Variants in NOTCH4 observed in about 807,000 individuals in gnomAD.
NOTCH4 encodes the protein neurogenic locus notch homolog protein 4.
NOTCH4 carries 138 observed loss-of-function variants against 189.0 expected under a neutral mutation model. That is an observed-to-expected ratio of 0.73 (90% CI 0.64 to 0.84). The LOEUF (loss-of-function observed/expected upper bound fraction) is 0.84, where lower values mean the gene tolerates loss of function less well. Ranked by LOEUF, NOTCH4 falls within the 40% of genes least tolerant of loss-of-function variation. NOTCH4 has a pLI of 0.00. For missense variants in NOTCH4, 2,286 were observed against 2,605.4 expected (o/e 0.88, Z 2.67); for synonymous variants, 942 against 1,032.8 (o/e 0.91, Z 1.69).
chr6:32,195,652 T>C lies in NOTCH4; in HGVS notation c.5797A>G (p.Arg1933Gly). 1 of 1,612,964 alleles carries C rather than the reference T, an allele frequency of 6.2e-7. No individual in the cohort carries two copies. The highest frequency in any genetic ancestry group is 8.5e-7 in the Non-Finnish European group (1 of 1,179,966). ...CCGCGCCCGGCAGCCACTCCGTATC[T>C]TCCTCGCATTATCGCAGGGTTGGGC... ...PRPNPAIMRG[R>G]YGVAAGRGGR... Residue 1933 changes from arginine to glycine, a missense_variant, in exon 30 of 30, where the codon AGA becomes GGA. Arg to Gly is a moderately radical substitution (Grantham distance 125). Transcript: ENST00000375023. This position sits in a 1 kb window ranked among gnomAD's most constrained non-coding sequence, Gnocchi z 5.4.
At chr6:32,213,344 C>A in intron 14 of NOTCH4, 92 bp from the exon 15 acceptor site, 1 of 782,738 alleles carries the variant, frequency 1.3e-6, no homozygotes, top group Non-Finnish European at 2.1e-6. Context: ...ACACCCCCCA[C>A]CCCCATCAAA....
intron 19 of NOTCH4, 43 bp downstream of exon 19, chr6:32,204,094 C>T: frequency 4.4e-6 from 7 of 1,603,774 alleles, no homozygotes; most frequent in Non-Finnish European, 5.1e-6. Context: ...GTCTGCTTGG[C>T]TGTGCTCCAG....
rs1251592409 is a variant in NOTCH4, at chr6:32,212,538, C to A, written c.2616G>T (p.Gln872His). ...GGTTGCAGAGAGGCCCGGTCCATCCCTGGAGGCACAAGCAGTGGAAGGAGG... is the reference window on the plus strand; with the variant it reads ...GGTTGCAGAGAGGCCCGGTCCATCCATGGAGGCACAAGCAGTGGAAGGAGG... ...TGPSFHCLCL[Q>H]GWTGPLCNLP... is the part of the protein sequence containing the mutation. Residue 872 changes from glutamine to histidine, a missense_variant, in exon 17 of 30, where the codon CAG becomes CAT. Around this residue, in one of 2 missense-constraint regions of NOTCH4, gnomAD observed 1,903 missense variants for 2,261.9 expected, o/e 0.84. Transcript: ENST00000375023. This position sits in a 1 kb window ranked among gnomAD's most constrained non-coding sequence, Gnocchi z 4.4. The A allele has an allele frequency of 1.2e-6, 2 of 1,613,044 alleles. No individual in the cohort carries two copies. The highest frequency in any genetic ancestry group is 2.7e-5 in the African/African-American group (2 of 74,890).
Position 32,202,899 on chromosome 6 carries a change from T to A in NOTCH4, c.3232-300A>T, listed in dbSNP as rs139803657. ...GACTAAACAGTTAATAGAATGCTAT[T>A]ATATTATTATTATTATTATTTTTGA... On this transcript the variant is annotated intron_variant, in intron 20 of 29. Coordinates refer to ENST00000375023, the MANE Select transcript of NOTCH4 (RefSeq NM_004557.4). This position sits in a 1 kb window ranked among gnomAD's most constrained non-coding sequence, Gnocchi z 5.7. 4.7e-3 allele frequency: 1,321 copies of A among 282,886 alleles called. 15 individuals carry two copies. The highest frequency in any genetic ancestry group is 0.024 in the African/African-American group (1,116 of 46,108). 17.5% of individuals were successfully genotyped at this position (282,886 alleles called of 1,614,324 possible). A position where few individuals can be genotyped will look rare whatever the true frequency, so the allele number is the denominator to read the frequency against.
intron 1 of NOTCH4, 92 bp downstream of exon 1, chr6:32,223,764 A>C: frequency 1.5e-6 from 2 of 1,296,660 alleles, no homozygotes; most frequent in Non-Finnish European, 2.1e-6. Context: ...AGCATCCCTC[A>C]CACGGCCTGG....
chr6:32,220,062 C>CCT, intron 7 of NOTCH4, 67 bp downstream of exon 7: 1 of 1,538,090 alleles, frequency 6.5e-7, no homozygotes, highest in East Asian at 2.2e-5. Context: ...GCAATCTGCC[C>CCT]TTTTCTGTCT....
intron 28 of NOTCH4, among the ~76,000 whole-genome samples, 164 bp downstream of exon 28, chr6:32,196,761 G>C (rs115360806): frequency 6.6e-6 from 1 of 152,134 alleles, no homozygotes; most frequent in African/African-American, 2.4e-5. Context: ...TGGGAGTTGG[G>C]GGGGGAAACT....
chr6:32,220,909 A>ACATCT (rs1789725125), intron 4 of NOTCH4, 31 bp from the exon 5 acceptor site: 7 of 1,608,176 alleles, frequency 4.4e-6, no homozygotes, highest in Non-Finnish European at 5.9e-6. Flanking sequence ...CTGTGGGAGG[A>ACATCT]GGCTCCAACG....
intron 28 of NOTCH4, among the ~76,000 whole-genome samples, chr6:32,196,670 T>C (rs1787953098): frequency 6.6e-6 from 1 of 151,756 alleles, no homozygotes; most frequent in Non-Finnish European, 1.5e-5. Context: ...CCCCACGAGA[T>C]TCCCCCCCCT....
At position 32,204,132 on chromosome 6, in the gene NOTCH4, C is replaced by T; in HGVS notation, c.3118+5G>A. 1.9e-6 allele frequency: 3 copies of T among 1,612,268 alleles called. No homozygotes were observed. Among genetic ancestry groups the T allele is most frequent in the Non-Finnish European group, 2.5e-6 (3 of 1,179,828 alleles). Reference sequence around the variant, plus strand: ...ACACTTGTGCCCCTTGTCTTGGGGCCTCACCTGTGTGTCCAGGCAGACACT... The same window carrying T: ...ACACTTGTGCCCCTTGTCTTGGGGCTTCACCTGTGTGTCCAGGCAGACACT... On this transcript the variant is annotated splice_donor_5th_base_variant and intron_variant, in intron 19 of 29. Coordinates refer to ENST00000375023, the MANE Select transcript of NOTCH4 (RefSeq NM_004557.4).
At chr6:32,213,616 G>T in intron 14 of NOTCH4, 72 bp downstream of exon 14, 6 of 1,515,732 alleles carry the variant, frequency 4.0e-6, no homozygotes, top group Non-Finnish European at 5.4e-6. Flanking sequence ...TAAAAAATAT[G>T]ACACAAGCAT....
chr6:32,210,768 C>A lies in NOTCH4; in HGVS notation c.2849G>T (p.Ser950Ile). The stretch of plus-strand genomic sequence containing the variant: ...CCCTCTCACCTGGCAGAGATACCCA[C>A]TGGGCTGGGCCATGCAGGTGGCCCC... ...QNGATCMAQP[S>I]GYLCQCAPGY... is the part of the protein sequence containing the mutation. Residue 950 changes from serine to isoleucine, a missense_variant, in exon 18 of 30, where the codon AGT (serine) becomes ATT (isoleucine). Around this residue, in one of 2 missense-constraint regions of NOTCH4, gnomAD observed 1,903 missense variants for 2,261.9 expected, o/e 0.84. Coordinates refer to ENST00000375023, the MANE Select transcript of NOTCH4 (RefSeq NM_004557.4). The surrounding 1 kb of genome is among the most constrained non-coding windows in gnomAD (Gnocchi z 4.8). 1 of 1,612,718 alleles carries A rather than the reference C, an allele frequency of 6.2e-7. No individual in the cohort carries two copies. Among genetic ancestry groups the A allele is most frequent in the South Asian group, 1.1e-5 (1 of 91,068 alleles).
In NOTCH4 at chr6:32,195,936, C is replaced by T; in HGVS notation, c.5513G>A (p.Gly1838Glu). The change falls in exon 30 of 30, where the codon GGG becomes GAG. Residue 1838 changes from glycine to glutamate, a missense_variant. This residue lies in a region of NOTCH4 where 383 missense variants were observed against 343.5 expected (regional missense o/e 1.11). Coordinates refer to ENST00000375023, the MANE Select transcript of NOTCH4 (RefSeq NM_004557.4). The surrounding 1 kb of genome is among the most constrained non-coding windows in gnomAD (Gnocchi z 5.4). ...CACCGTCCGTGCGCGCGGGAAGGGC[C>T]CAGCCTCGCGGCCCGGCGTGGCTTT... The part of the protein sequence containing the change: ...RHKATPGREA[G>E]PFPRARTVSV... 6.3e-7 allele frequency: 1 copy of T among 1,589,936 alleles called. No homozygotes were observed. The highest frequency in any genetic ancestry group is 8.5e-7 in the Non-Finnish European group (1 of 1,175,370).
chr6:32,208,239 C>T (rs114119176), intron 18 of NOTCH4, among the ~76,000 whole-genome samples: 2,075 of 151,910 alleles, frequency 0.014, 28 homozygotes, highest in Middle Eastern at 0.075. Context: ...ATAATCAGAA[C>T]GTATAAGGAA....
intron 7 of NOTCH4, 29 bp downstream of exon 7, chr6:32,220,100 G>A (rs1789655528): frequency 6.2e-7 from 1 of 1,609,506 alleles, no homozygotes; most frequent in East Asian, 2.2e-5. Context: ...CTGAGGCTCA[G>A]AGAGGCTCTG....
In NOTCH4 at chr6:32,202,252, G is replaced by A. The variant is rs2127467018; in HGVS notation, c.3579C>T (p.Gly1193=). 1.3e-6 allele frequency: 2 copies of A among 1,574,624 alleles called. No homozygotes were observed. Among genetic ancestry groups the A allele is most frequent in the South Asian group, 1.1e-5 (1 of 87,992 alleles). Residue 1193 remains glycine, a synonymous_variant, in exon 21 of 30, where the codon GGC becomes GGT. Coordinates refer to ENST00000375023, the MANE Select transcript of NOTCH4 (RefSeq NM_004557.4). The surrounding 1 kb of genome is among the most constrained non-coding windows in gnomAD (Gnocchi z 5.7). ...CCCCTCCATCCCAGTTTCCTCCCGGGCCACTGCAGCCAGCATCGCAGGCCC... is the reference window on the plus strand; with the variant it reads ...CCCCTCCATCCCAGTTTCCTCCCGGACCACTGCAGCCAGCATCGCAGGCCC... The part of the protein sequence containing the change: ...GDGACDAGCS[G]PGGNWDGGDC...
intron 27 of NOTCH4, 83 bp downstream of exon 27, chr6:32,197,216 T>G: frequency 6.6e-7 from 1 of 1,516,364 alleles, no homozygotes; most frequent in Non-Finnish European, 8.8e-7. Context: ...AATTTCCTCC[T>G]TGTCAAACTC....
Position 32,220,412 on chromosome 6 carries a change from T to C in NOTCH4, c.1152A>G (p.Gly384=). Residue 384 remains glycine (G), a synonymous_variant, in exon 6 of 30, where the codon GGA becomes GGG. Coordinates refer to ENST00000375023, the MANE Select transcript of NOTCH4 (RefSeq NM_004557.4). The part of the protein sequence containing the change: ...VGSFSCLCPP[G]RTGLLCHLED... ...TACCCTCTACCCCCATACCTGTGCG[T>C]CCAGGTGGGCAGAGGCAGGAGAAAG... is the stretch of plus-strand genomic sequence containing the variant. The C allele has an allele frequency of 6.2e-7, 1 of 1,613,840 alleles. No individual in the cohort carries two copies. The highest frequency in any genetic ancestry group is 1.3e-5 in the African/African-American group (1 of 75,006).
At chr6:32,214,466 GAT>G (rs1554151235) in intron 12 of NOTCH4, among the ~76,000 whole-genome samples, 31 of 116,514 alleles carry the variant, frequency 2.7e-4, no homozygotes, top group South Asian at 6.3e-4. Flanking sequence ...TCTAGTTGGA[GAT>G]ATATATATAT....
Sources: gnomAD v4.1 joint callset for allele counts (sites outside exome capture counted in the v4.1 genomes callset) on GRCh38, gnomAD v4.1.1 for gene constraint, gnomAD v4.1.1 regional missense constraint, Gnocchi (gnomAD v3.1) non-coding constraint, MANE v1.5 for transcripts, NCBI Gene and HGNC (gene_info 2026-07-23, HGNC 2026-07-21) for gene names.